Variants in GRIK4 observed in about 807,000 individuals in gnomAD.
The protein encoded by GRIK4 is glutamate ionotropic receptor kainate type subunit 4, also known as glutamate receptor ionotropic, kainate 4.
In GRIK4, 40 loss-of-function variants were observed where a neutral mutation model predicts 104.9. The observed-to-expected ratio is 0.38, with a 90% CI of 0.30 to 0.50. GRIK4 has a LOEUF of 0.50. Among genes scored for constraint, GRIK4 ranks in the 20% least tolerant of loss-of-function variants. GRIK4 has a pLI of 0.93. For missense variants in GRIK4, 1,047 were observed against 1,308.1 expected (o/e 0.80, Z 3.08); for synonymous variants, 485 against 524.9 (o/e 0.92, Z 1.04).
intron 4 of GRIK4, among the ~76,000 whole-genome samples, chr11:120,810,160 T>G (rs1952801445): frequency 6.6e-6 from 1 of 152,228 alleles, no homozygotes; most frequent in Non-Finnish European, 1.5e-5. Context: ...AATGCATGCT[T>G]ATATTCAAAT....
Position 120,940,526 on chromosome 11 carries a change from C to A in GRIK4, c.1590+66C>A. ...ATTTGCATGCAAACACTGAGTTATA[C>A]GGGAATAATGAATGACTCATGGAAA... On this transcript the variant is annotated intron_variant, in intron 14 of 20. Coordinates refer to ENST00000527524, the MANE Select transcript of GRIK4 (RefSeq NM_014619.5). The surrounding 1 kb of genome is among the most constrained non-coding windows in gnomAD (Gnocchi z 4.3). 2.3e-6 allele frequency: 2 copies of A among 869,688 alleles called. No homozygotes were observed. Among genetic ancestry groups the A allele is most frequent in the Non-Finnish European group, 3.8e-6 (2 of 526,990 alleles). The allele number at this position is 869,688 out of a possible 1,614,324, so 53.9% of individuals were successfully genotyped here.
intron 1 of GRIK4, among the ~76,000 whole-genome samples, chr11:120,631,438 G>A (rs887691745): frequency 1.3e-5 from 2 of 152,134 alleles, no homozygotes; most frequent in Admixed American, 6.5e-5. Context: ...CTAAAGCATC[G>A]ATGCCCAGTG....
At position 120,714,609 on chromosome 11, in the gene GRIK4, C is replaced by G. The variant is rs142375271; in HGVS notation, c.82+54209C>G. ...AGGAAGTATGAAGTACTACAGCGTC[C>G]CATAGCAAGGCCCTGTGACCTGGTC... is the stretch of plus-strand genomic sequence containing the variant. On this transcript the variant is annotated intron_variant, in intron 3 of 20. Coordinates refer to ENST00000527524, the MANE Select transcript of GRIK4 (RefSeq NM_014619.5). Among the ~76,000 whole-genome samples the G allele has an allele frequency of 2.6e-3, 389 of 152,228 alleles. 3 individuals are homozygous for G. The highest frequency in any genetic ancestry group is 8.9e-3 in the African/African-American group (370 of 41,524).
rs79409758 is a variant in GRIK4, at chr11:120,783,655, T to C, written c.83-19038T>C. On this transcript the variant is annotated intron_variant, in intron 3 of 20. Transcript: ENST00000527524. ...ATATGGCATCGGAATAGGACTGCTT[T>C]TTATCCCCTGTGGTAAGTGATATTT... is the stretch of plus-strand genomic sequence containing the variant. Among the ~76,000 whole-genome samples the C allele has an allele frequency of 4.5e-3, 692 of 152,328 alleles. 6 individuals carry two copies. The highest frequency in any genetic ancestry group is 0.016 in the African/African-American group (670 of 41,572).
chr11:120,740,568 G>A (rs923651098), intron 3 of GRIK4, among the ~76,000 whole-genome samples: 5 of 152,190 alleles, frequency 3.3e-5, no homozygotes, highest in East Asian at 1.9e-4. Flanking sequence ...GAGGTGAACT[G>A]CCAGGAAGTG....
rs1291368855 is a variant in GRIK4 at position 120,511,882 on chromosome 11, G to T, written c.-164G>T. The stretch of plus-strand genomic sequence containing the variant: ...GGCTCAGCCCCCGGAGTGCGGAGCC[G>T]ACCAGGTAAGGGCAGCGGCCCCCCG... On this transcript the variant is annotated 5_prime_UTR_variant, in exon 1 of 21. Transcript: ENST00000527524. 1.8e-5 allele frequency: 5 copies of T among 282,098 alleles called. No individual in the cohort carries two copies. Among genetic ancestry groups the T allele is most frequent in the South Asian group, 1.3e-4 (5 of 38,268 alleles). The allele number at this position is 282,098 out of a possible 1,614,324, so 17.5% of individuals were successfully genotyped here.
intron 11 of GRIK4, among the ~76,000 whole-genome samples, chr11:120,897,172 C>T (rs903406725): frequency 6.6e-6 from 1 of 151,834 alleles, no homozygotes; most frequent in Admixed American, 6.6e-5. Flanking sequence ...TAAAAGGAGA[C>T]ATCCGTTGGG....
intron 1 of GRIK4, among the ~76,000 whole-genome samples, chr11:120,598,030 C>T (rs546929001): frequency 1.3e-5 from 2 of 152,184 alleles, no homozygotes; most frequent in Non-Finnish European, 2.9e-5. Context: ...AGTGCCTCAG[C>T]GACAGAGCCA....
chr11:120,571,668 T>G (rs1045936791), intron 1 of GRIK4, among the ~76,000 whole-genome samples: 1 of 152,038 alleles, frequency 6.6e-6, no homozygotes, highest in Admixed American at 6.6e-5. Context: ...CCACCTGGCC[T>G]GGCCCACCCC....
intron 13 of GRIK4, among the ~76,000 whole-genome samples, chr11:120,932,830 G>A (rs1341678450): frequency 2.1e-5 from 3 of 146,026 alleles, no homozygotes; most frequent in Non-Finnish European, 4.7e-5. Context: ...GCATGTAGAG[G>A]GGGCAGGGGC....
At chr11:120,963,049 T>C (rs1383795932) in intron 18 of GRIK4, 4 of 169,262 alleles carry the variant, frequency 2.4e-5, no homozygotes, top group African/African-American at 9.5e-5. Flanking sequence ...TGTTGATTGC[T>C]ATCTCTACTA....
intron 3 of GRIK4, among the ~76,000 whole-genome samples, chr11:120,712,605 T>C (rs946954628): frequency 4.7e-5 from 7 of 149,012 alleles, no homozygotes; most frequent in African/African-American, 1.7e-4. Flanking sequence ...CTGGCCAACA[T>C]AGTAAGACCC....
intron 11 of GRIK4, among the ~76,000 whole-genome samples, chr11:120,885,477 C>G (rs886648745): frequency 4.6e-5 from 7 of 152,038 alleles, no homozygotes; most frequent in Non-Finnish European, 8.8e-5. Flanking sequence ...CCTGCACTTC[C>G]TGGGTTCAAG....
In GRIK4 at chr11:120,982,162, G is replaced by T. The variant is rs377052814; in HGVS notation, c.2452G>T (p.Val818Leu). The change falls in exon 20 of 21, where the codon GTG (valine) becomes TTG (leucine). Residue 818 changes from valine (V) to leucine (L), a missense_variant. Around this residue, in one of 3 missense-constraint regions of GRIK4, gnomAD observed 440 missense variants for 652.3 expected, o/e 0.67. Coordinates refer to ENST00000527524, the MANE Select transcript of GRIK4 (RefSeq NM_014619.5). ...TGTGGTTCTTATTTGTGGCTTAATC[G>T]TGGCCATTTTTATGGCTATGTTGGA... ...IFVVLICGLI[V>L]AIFMAMLEFL... is the part of the protein sequence containing the mutation. 5 of 1,613,410 alleles carry T rather than the reference G, an allele frequency of 3.1e-6. No homozygotes were observed. The highest frequency in any genetic ancestry group is 4.2e-6 in the Non-Finnish European group (5 of 1,179,500).
intron 1 of GRIK4, among the ~76,000 whole-genome samples, chr11:120,532,032 G>A (rs1490250483): frequency 6.6e-6 from 1 of 152,142 alleles, no homozygotes. Context: ...CTCTGGATGT[G>A]GGGCAGGTGG....
rs1297487681 is a variant in GRIK4, at chr11:120,781,240, C to T, written c.83-21453C>T. On this transcript the variant is annotated intron_variant, in intron 3 of 20. Transcript: ENST00000527524. ...ATGGGTGTGAGGTGAAAAGAAGACA[C>T]AGTATTAGTCATTTATACAAGTAAT... 2.0e-5 allele frequency among the ~76,000 whole-genome samples: 3 copies of T among 151,574 alleles called. No homozygotes were observed. The South Asian group carries it at 6.3e-4, about 32-fold the overall frequency.
intron 3 of GRIK4, among the ~76,000 whole-genome samples, chr11:120,680,625 G>A (rs1430537526): frequency 6.6e-6 from 1 of 152,210 alleles, no homozygotes; most frequent in Non-Finnish European, 1.5e-5. Flanking sequence ...ATCCTGGGCT[G>A]CTGTGGAAAA....
intron 8 of GRIK4, among the ~76,000 whole-genome samples, chr11:120,857,230 T>C (rs184974145): frequency 2.6e-5 from 4 of 152,310 alleles, no homozygotes; most frequent in Admixed American, 2.6e-4. Flanking sequence ...GCCCAGGCGA[T>C]GAACAGGCTG....
rs1158032446 is a variant in GRIK4, at chr11:120,800,143, C to T, written c.83-2550C>T. 6.6e-5 allele frequency among the ~76,000 whole-genome samples: 10 copies of T among 152,186 alleles called. No individual in the cohort carries two copies. The East Asian group carries it at 1.2e-3, about 18-fold the overall frequency. On this transcript the variant is annotated intron_variant, in intron 3 of 20. Coordinates refer to ENST00000527524, the MANE Select transcript of GRIK4 (RefSeq NM_014619.5). Reference sequence around the variant, plus strand: ...TGCTGGGATTACAGGTGTGAGTCACCGTGCCTGGCCCCTATTATATTTTTA... The same window carrying T: ...TGCTGGGATTACAGGTGTGAGTCACTGTGCCTGGCCCCTATTATATTTTTA...
Sources: allele counts gnomAD v4.1 joint callset (sites outside exome capture counted in the v4.1 genomes callset), GRCh38; gene constraint gnomAD v4.1.1; regional missense constraint gnomAD v4.1.1; non-coding constraint Gnocchi (gnomAD v3.1); transcripts MANE v1.5; gene names NCBI Gene and HGNC (gene_info 2026-07-23, HGNC 2026-07-21).